The following ARHGAP6 variants were observed in gnomAD, a reference collection of about 807,000 sequenced individuals.
ARHGAP6 encodes Rho GTPase activating protein 6.
Under a neutral mutation model 55.7 loss-of-function variants are expected in ARHGAP6, and 16 were observed. That is an observed-to-expected ratio of 0.29 (90% confidence interval 0.19 to 0.44). The LOEUF (loss-of-function observed/expected upper bound fraction) is 0.44. Ranked by LOEUF, ARHGAP6 falls within the 20% of genes least tolerant of loss-of-function variation. The probability of loss-of-function intolerance (pLI) is 1.00; values close to 1 mark genes in which losing one functional copy is unlikely to be tolerated. For synonymous variants in ARHGAP6, 382 were observed against 360.9 expected (o/e 1.06, Z -0.66); for missense variants, 698 against 808.9 (o/e 0.86, Z 1.66).
At position 11,139,413 on chromosome X, in the gene ARHGAP6, C is replaced by T; in HGVS notation, c.2375G>A (p.Ser792Asn). The change falls in exon 13 of 13, where the codon AGC becomes AAC. Residue 792 changes from serine (S) to asparagine (N), a missense_variant. Around this residue, in one of 3 missense-constraint regions of ARHGAP6, gnomAD observed 212 missense variants for 208.7 expected, o/e 1.02. Transcript: ENST00000337414. The stretch of plus-strand genomic sequence containing the variant: ...AGTCCTCCGAGCCCCCTGCGTGTCG[C>T]TGTCCAGCTCTGCGGGGCTCCCCTG... ...RWQGSPAELD[S>N]DTQGARRTQA... The T allele has an allele frequency of 8.4e-7, 1 of 1,187,419 alleles. No homozygotes were observed. Among genetic ancestry groups the T allele is most frequent in the Non-Finnish European group, 1.1e-6 (1 of 885,803 alleles).
At chrX:11,182,763 G>A (rs765090215) in intron 5 of ARHGAP6, among the ~76,000 whole-genome samples, 2 of 107,188 alleles carry the variant, frequency 1.9e-5, no homozygotes, top group Non-Finnish European at 3.8e-5. Context: ...AGCGTCCAGG[G>A]TAGCTGGTAC....
chrX:11,182,488 G>A lies in ARHGAP6; in HGVS notation c.1274-370C>T, dbSNP rs761213184. Among the ~76,000 whole-genome samples the A allele has an allele frequency of 7.2e-5, 8 of 111,094 alleles. No individual in the cohort carries two copies. The East Asian group carries it at 1.4e-3, about 19-fold the overall frequency. ...AATTTCTAAAAGATATTTCTTGTTCGTCTGATCATAATTAAAGTGTGCTTC... is the reference window on the plus strand; with the variant it reads ...AATTTCTAAAAGATATTTCTTGTTCATCTGATCATAATTAAAGTGTGCTTC... On this transcript the variant is annotated intron_variant, in intron 5 of 12. Coordinates refer to ENST00000337414, the MANE Select transcript of ARHGAP6 (RefSeq NM_013427.3).
intron 1 of ARHGAP6, among the ~76,000 whole-genome samples, chrX:11,347,341 A>T (rs774946819): frequency 1.8e-5 from 2 of 112,221 alleles, no homozygotes; most frequent in East Asian, 5.6e-4. Context: ...ATGTTTGGGG[A>T]AATTTTAAGA....
chrX:11,301,937 T>C (rs2048179542), intron 1 of ARHGAP6, among the ~76,000 whole-genome samples: 1 of 112,203 alleles, frequency 8.9e-6, no homozygotes, highest in Non-Finnish European at 1.9e-5. Context: ...CCTTTCCTGT[T>C]GGCAGAGCTG....
At chrX:11,305,240 TAAAG>T (rs1441542687) in intron 1 of ARHGAP6, among the ~76,000 whole-genome samples, 2 of 110,966 alleles carry the variant, frequency 1.8e-5, no homozygotes, top group South Asian at 3.8e-4. Context: ...ATTTGCAAAA[TAAAG>T]AAAGTGCTGT....
At chrX:11,387,519 C>T (rs962075303) in intron 1 of ARHGAP6, among the ~76,000 whole-genome samples, 1 of 111,851 alleles carries the variant, frequency 8.9e-6, no homozygotes, top group Non-Finnish European at 1.9e-5. Flanking sequence ...TTTCACTTGA[C>T]TTAAGGAGCT....
rs2049676785 is a variant in ARHGAP6 at position 11,411,183 on chromosome X, T to TTATATATATATATG, written c.589-156477_589-156476insCATATATATATATA. ...GGCCTGTGTCACTGGCAGACATTAT[T>TTATATATATATATG]TATATATATATATATATATATATAT... is the stretch of plus-strand genomic sequence containing the variant. On this transcript the variant is annotated intron_variant, in intron 1 of 12. Coordinates refer to ENST00000337414, the MANE Select transcript of ARHGAP6 (RefSeq NM_013427.3). Among the ~76,000 whole-genome samples the TTATATATATATATG allele has an allele frequency of 1.3e-4, 4 of 31,775 alleles. 1 individual carries two copies. The highest frequency in any genetic ancestry group is 3.9e-4 in the African/African-American group (4 of 10,228). 27.6% of individuals were successfully genotyped at this position (31,775 alleles called of 115,157 possible). A position where few individuals can be genotyped will look rare whatever the true frequency, so the allele number is the denominator to read the frequency against.
chrX:11,472,916 G>T (rs5935075), intron 1 of ARHGAP6, among the ~76,000 whole-genome samples: 3,039 of 110,705 alleles, frequency 0.027, 44 homozygotes, highest in Middle Eastern at 0.051. Context: ...TAGGCCAGAT[G>T]TGCTGCATTC....
intron 1 of ARHGAP6, among the ~76,000 whole-genome samples, chrX:11,547,139 A>G (rs913001139): frequency 3.6e-5 from 4 of 112,425 alleles, no homozygotes; most frequent in African/African-American, 9.7e-5. Context: ...ACATGTCACA[A>G]CACTTCCACT....
chrX:11,195,788 G>A (rs1236001738), intron 3 of ARHGAP6, among the ~76,000 whole-genome samples: 2 of 107,421 alleles, frequency 1.9e-5, no homozygotes, highest in Admixed American at 1.0e-4. Context: ...TAAGAAACAT[G>A]CACATGTACC....
intron 1 of ARHGAP6, among the ~76,000 whole-genome samples, chrX:11,257,913 A>G (rs759242121): frequency 1.8e-5 from 2 of 111,642 alleles, no homozygotes; most frequent in African/African-American, 3.3e-5. Flanking sequence ...CCCAGTAGCA[A>G]TGCAACTTTA....
At chrX:11,615,044 A>G (rs1017060895) in intron 1 of ARHGAP6, among the ~76,000 whole-genome samples, 2 of 110,734 alleles carry the variant, frequency 1.8e-5, no homozygotes, top group Admixed American at 9.6e-5. Context: ...AAGAACTCCT[A>G]GCTTACTCCT....
chrX:11,591,321 A>C (rs1458360646), intron 1 of ARHGAP6, among the ~76,000 whole-genome samples: 1 of 110,224 alleles, frequency 9.1e-6, no homozygotes, highest in Non-Finnish European at 1.9e-5. Context: ...ATACAGGATT[A>C]CTTTTTAACA....
intron 1 of ARHGAP6, among the ~76,000 whole-genome samples, chrX:11,582,696 A>G (rs753318042): frequency 1.5e-4 from 17 of 111,898 alleles, no homozygotes; most frequent in Non-Finnish European, 2.4e-4. Flanking sequence ...TGATTATTCA[A>G]AGTCATAGCT....
At chrX:11,317,910 C>T (rs2048378439) in intron 1 of ARHGAP6, among the ~76,000 whole-genome samples, 2 of 112,056 alleles carry the variant, frequency 1.8e-5, no homozygotes, top group Non-Finnish European at 3.8e-5. Flanking sequence ...AAAGGAAGGC[C>T]TTCAAAAGAG....
chrX:11,180,075 T>G (rs1039101954), intron 6 of ARHGAP6, among the ~76,000 whole-genome samples: 5 of 110,672 alleles, frequency 4.5e-5, no homozygotes, highest in Non-Finnish European at 9.5e-5. Context: ...GACTAAGACT[T>G]AAAAGATGAC....
intron 1 of ARHGAP6, among the ~76,000 whole-genome samples, chrX:11,423,208 T>C (rs1295459814): frequency 8.8e-6 from 1 of 113,077 alleles, no homozygotes; most frequent in Non-Finnish European, 1.9e-5. Flanking sequence ...CGATGGATGA[T>C]AACTGATTCA....
At chrX:11,212,751 A>G (rs955478438) in intron 2 of ARHGAP6, among the ~76,000 whole-genome samples, 1 of 112,478 alleles carries the variant, frequency 8.9e-6, no homozygotes, top group African/African-American at 3.2e-5. Context: ...TCTATGCACA[A>G]AGATAAAATT....
At chrX:11,653,399 G>A (rs1181116918) in intron 1 of ARHGAP6, among the ~76,000 whole-genome samples, 6 of 112,071 alleles carry the variant, frequency 5.4e-5, no homozygotes, top group African/African-American at 6.5e-5. Context: ...TTAACAGCTC[G>A]CAAAATAAAG....
Sources: allele counts gnomAD v4.1 joint callset (sites outside exome capture counted in the v4.1 genomes callset), GRCh38; gene constraint gnomAD v4.1.1; regional missense constraint gnomAD v4.1.1; transcripts MANE v1.5; gene names NCBI Gene and HGNC (gene_info 2026-07-23, HGNC 2026-07-21).